PTPRT: variants seen among roughly 807,000 people sequenced by gnomAD.
PTPRT encodes the protein protein tyrosine phosphatase receptor type T.
PTPRT carries 56 observed loss-of-function variants against 176.8 expected under a neutral mutation model. That is an observed-to-expected ratio of 0.32 (90% confidence interval 0.26 to 0.40). The LOEUF is 0.40. Among genes scored for constraint, PTPRT ranks in the 10% least tolerant of loss-of-function variants. PTPRT has a pLI of 1.00. For missense variants in PTPRT, 1,540 were observed against 1,908.2 expected (o/e 0.81, Z 3.60); for synonymous variants, 783 against 739.0 (o/e 1.06, Z -0.96).
chr20:42,081,768 A>G (rs1983349379), intron 30 of PTPRT, 114 bp downstream of exon 30: 4 of 1,318,752 alleles, frequency 3.0e-6, no homozygotes, highest in Admixed American at 1.7e-5. Flanking sequence ...CACAGAATGC[A>G]GGTATACAAT....
intron 4 of PTPRT, among the ~76,000 whole-genome samples, chr20:42,777,491 T>C (rs2077155104): frequency 6.6e-6 from 1 of 152,150 alleles, no homozygotes; most frequent in Non-Finnish European, 1.5e-5. Context: ...CCCTCCCGTA[T>C]CCCAGACACC....
chr20:42,147,785 C>G (rs35188982), intron 17 of PTPRT, among the ~76,000 whole-genome samples: 2 of 152,078 alleles, frequency 1.3e-5, no homozygotes, highest in Admixed American at 6.6e-5. Flanking sequence ...TGAAGGGGAC[C>G]GAGTAGGCCT....
At chr20:43,060,618 C>A (rs147054296) in intron 1 of PTPRT, among the ~76,000 whole-genome samples, 4 of 152,294 alleles carry the variant, frequency 2.6e-5, no homozygotes, top group African/African-American at 9.6e-5. Flanking sequence ...ACATACTTTG[C>A]ATGGTTATTG....
intron 7 of PTPRT, among the ~76,000 whole-genome samples, chr20:42,484,016 G>A (rs932027818): frequency 2.4e-4 from 37 of 152,210 alleles, no homozygotes; most frequent in African/African-American, 8.2e-4. Flanking sequence ...TACAGAGCCA[G>A]CCTCATTGCA....
At chr20:42,395,928 T>C (rs2058844141) in intron 9 of PTPRT, among the ~76,000 whole-genome samples, 1 of 152,108 alleles carries the variant, frequency 6.6e-6, no homozygotes, top group Admixed American at 6.6e-5. Flanking sequence ...AATCTCCCTA[T>C]TCTACCTACA....
At chr20:42,938,756 G>C (rs1980365004) in intron 1 of PTPRT, among the ~76,000 whole-genome samples, 1 of 152,168 alleles carries the variant, frequency 6.6e-6, no homozygotes, top group Non-Finnish European at 1.5e-5. Context: ...TTTACTGAAA[G>C]TCTATAGTGT....
chr20:43,069,616 A>G (rs2011154235), intron 1 of PTPRT, among the ~76,000 whole-genome samples: 1 of 152,218 alleles, frequency 6.6e-6, no homozygotes, highest in Non-Finnish European at 1.5e-5. Context: ...ATGACAAGGA[A>G]GAGACTTTGC....
intron 19 of PTPRT, among the ~76,000 whole-genome samples, chr20:42,121,965 T>C (rs1987613856): frequency 6.6e-6 from 1 of 152,064 alleles, no homozygotes; most frequent in African/African-American, 2.4e-5. Flanking sequence ...AGCTAAATAA[T>C]GTGTACATAT....
At chr20:42,308,588 C>A (rs914224523) in intron 12 of PTPRT, among the ~76,000 whole-genome samples, 3 of 152,124 alleles carry the variant, frequency 2.0e-5, no homozygotes, top group Non-Finnish European at 4.4e-5. Flanking sequence ...AACTGTAATG[C>A]GATAAGATAC....
At chr20:42,706,216 T>G (rs908973979) in intron 6 of PTPRT, among the ~76,000 whole-genome samples, 28 of 145,230 alleles carry the variant, frequency 1.9e-4, no homozygotes, top group East Asian at 4.1e-4. Flanking sequence ...TGTGTGTGTG[T>G]GTATGTGTGT....
intron 5 of PTPRT, among the ~76,000 whole-genome samples, chr20:42,765,687 T>C (rs2076972811): frequency 6.6e-6 from 1 of 151,810 alleles, no homozygotes. Flanking sequence ...CATATGTATA[T>C]ACAGATTATA....
chr20:42,539,044 G>T (rs376934130), intron 7 of PTPRT, among the ~76,000 whole-genome samples: 2 of 152,084 alleles, frequency 1.3e-5, no homozygotes, highest in Non-Finnish European at 2.9e-5. Context: ...TTGGACCACC[G>T]TGTGTACACC....
At position 42,558,667 on chromosome 20, in the gene PTPRT, C is replaced by T. The variant is rs763891738; in HGVS notation, c.1154-86105G>A. Among the ~76,000 whole-genome samples, 86 of 152,072 alleles carry T rather than the reference C, an allele frequency of 5.7e-4. 2 individuals are homozygous for T. Among genetic ancestry groups the T allele is most frequent in the Non-Finnish European group, 9.9e-4 (67 of 67,990 alleles). On this transcript the variant is annotated intron_variant, in intron 7 of 30. Coordinates refer to ENST00000373187, the MANE Select transcript of PTPRT (RefSeq NM_007050.6). ...ACAGAGGGGTATCTCAAACCCAACT[C>T]TACTAATCTCAAACCCAACTCACCC...
intron 9 of PTPRT, among the ~76,000 whole-genome samples, chr20:42,416,423 G>A (rs2059066501): frequency 6.6e-6 from 1 of 152,160 alleles, no homozygotes; most frequent in Non-Finnish European, 1.5e-5. Flanking sequence ...TTGTGATAAT[G>A]TGTTACAGCC....
chr20:42,263,569 C>T (rs567169182), intron 13 of PTPRT, among the ~76,000 whole-genome samples: 79 of 151,344 alleles, frequency 5.2e-4, no homozygotes, highest in African/African-American at 1.7e-3. Context: ...TTAGTAGAGA[C>T]GGGGTTTCAC....
chr20:42,917,301 G>A (rs1229792696), intron 1 of PTPRT, among the ~76,000 whole-genome samples: 1 of 152,092 alleles, frequency 6.6e-6, no homozygotes, highest in Non-Finnish European at 1.5e-5. Context: ...TGAGGGCTCT[G>A]TTCTGTTCCA....
intron 1 of PTPRT, among the ~76,000 whole-genome samples, chr20:42,929,843 G>T (rs1979721735): frequency 6.6e-6 from 1 of 152,196 alleles, no homozygotes; most frequent in Admixed American, 6.5e-5. Context: ...GAAACCTAAG[G>T]ATTAGCAGTT....
At chr20:42,460,025 G>A (rs2070991681) in intron 8 of PTPRT, among the ~76,000 whole-genome samples, 1 of 152,202 alleles carries the variant, frequency 6.6e-6, no homozygotes, top group African/African-American at 2.4e-5. Flanking sequence ...GCCATTTACT[G>A]AGATGGAGAA....
intron 7 of PTPRT, among the ~76,000 whole-genome samples, chr20:42,541,478 G>T (rs1376960287): frequency 2.0e-5 from 3 of 150,410 alleles, no homozygotes; most frequent in African/African-American, 7.4e-5. Context: ...AGTAGGAAAA[G>T]AGATACACTA....
Sources: gnomAD v4.1 joint callset for allele counts (sites outside exome capture counted in the v4.1 genomes callset) on GRCh38, gnomAD v4.1.1 for gene constraint, MANE v1.5 for transcripts, NCBI Gene and HGNC (gene_info 2026-07-23, HGNC 2026-07-21) for gene names.